CPED1: variants seen among roughly 807,000 people sequenced by gnomAD.
CPED1 encodes cadherin like and PC-esterase domain containing 1, also known as cadherin-like and PC-esterase domain-containing protein 1.
CPED1 carries 114 observed loss-of-function variants against 128.2 expected under a neutral mutation model. The observed-to-expected ratio is 0.89, with a 90% confidence interval of 0.76 to 1.04. The LOEUF (loss-of-function observed/expected upper bound fraction) is 1.04. Among genes scored for constraint, CPED1 ranks in the 50% least tolerant of loss-of-function variants. CPED1 has a pLI of 0.00. For missense variants in CPED1, 1,211 were observed against 1,207.1 expected (o/e 1.00, Z -0.05); for synonymous variants, 462 against 426.7 (o/e 1.08, Z -1.02).
intron 16 of CPED1, among the ~76,000 whole-genome samples, chr7:121,184,448 G>A (rs1283213583): frequency 6.6e-6 from 1 of 152,050 alleles, no homozygotes; most frequent in Non-Finnish European, 1.5e-5. Flanking sequence ...AATTATTTCT[G>A]AGTTTCACCA....
At chr7:121,210,733 T>A (rs1475288353) in intron 16 of CPED1, among the ~76,000 whole-genome samples, 1 of 151,948 alleles carries the variant, frequency 6.6e-6, no homozygotes, top group East Asian at 1.9e-4. Flanking sequence ...GAATAAGATC[T>A]AGTATTTGAT....
At chr7:121,198,338 G>A (rs1228831001) in intron 16 of CPED1, among the ~76,000 whole-genome samples, 4 of 152,040 alleles carry the variant, frequency 2.6e-5, no homozygotes, top group African/African-American at 9.7e-5. Context: ...TAGCTTCTTA[G>A]ATAAAAGCTC....
intron 4 of CPED1, among the ~76,000 whole-genome samples, chr7:121,052,380 C>T (rs1316960519): frequency 2.0e-5 from 3 of 152,192 alleles, no homozygotes; most frequent in Non-Finnish European, 2.9e-5. Context: ...AAACTCTTCC[C>T]GTGACTCTTT....
chr7:121,170,426 G>A lies in CPED1; in HGVS notation c.2055+28285G>A, dbSNP rs188046321. 4.7e-4 allele frequency among the ~76,000 whole-genome samples: 71 copies of A among 152,016 alleles called. 1 individual carries two copies. In the Middle Eastern group the frequency reaches 0.017, roughly 36 times the overall value. On this transcript the variant is annotated intron_variant, in intron 16 of 22. Transcript: ENST00000310396. ...TTTTGTGCTTCTCTGTATAAATTTA[G>A]GGTCTTTTGATTCACTACAAATTTT...
chr7:121,052,244 G>A (rs1259453742), intron 4 of CPED1, among the ~76,000 whole-genome samples: 1 of 152,120 alleles, frequency 6.6e-6, no homozygotes, highest in African/African-American at 2.4e-5. Flanking sequence ...AGTCCTATCT[G>A]AATTGAAACT....
intron 3 of CPED1, among the ~76,000 whole-genome samples, chr7:121,023,779 T>C (rs2116837694): frequency 6.6e-6 from 1 of 152,280 alleles, no homozygotes; most frequent in East Asian, 1.9e-4. Context: ...TTCTCATTTC[T>C]TTCCCCCCTC....
intron 17 of CPED1, among the ~76,000 whole-genome samples, chr7:121,241,168 C>T (rs1488108020): frequency 9.9e-6 from 1 of 101,388 alleles, no homozygotes; most frequent in Non-Finnish European, 2.1e-5. Flanking sequence ...ACGGTGAAAC[C>T]CCGTCTCTAC....
intron 1 of CPED1, 50 bp from the exon 2 acceptor site, chr7:120,989,341 C>T: frequency 2.5e-6 from 1 of 393,234 alleles, no homozygotes; most frequent in South Asian, 2.5e-5. Context: ...GGGGTACACT[C>T]AGGTTATTCG....
chr7:121,233,212 A>G lies in CPED1; in HGVS notation c.2056-3502A>G, dbSNP rs114784311. 5.8e-3 allele frequency among the ~76,000 whole-genome samples: 881 copies of G among 152,208 alleles called. 7 individuals are homozygous for G. The highest frequency in any genetic ancestry group is 0.02 in the African/African-American group (815 of 41,554). On this transcript the variant is annotated intron_variant, in intron 16 of 22. Transcript: ENST00000310396. ...CCTACTAAATATATTGTTGCACTCA[A>G]TTGAGAACTATGACAATCTACTCTG...
At chr7:121,195,346 A>AT (rs1283161075) in intron 16 of CPED1, among the ~76,000 whole-genome samples, 12 of 152,172 alleles carry the variant, frequency 7.9e-5, no homozygotes, top group Non-Finnish European at 1.6e-4. Context: ...AATTACTATC[A>AT]TTTTAAATCA....
chr7:121,064,428 G>A (rs1269454020), intron 5 of CPED1, 115 bp downstream of exon 5: 6 of 694,852 alleles, frequency 8.6e-6, no homozygotes, highest in Admixed American at 4.6e-5. Context: ...CTATCAATTC[G>A]GCAATCACAG....
intron 4 of CPED1, among the ~76,000 whole-genome samples, chr7:121,054,827 A>C (rs1793452540): frequency 6.6e-6 from 1 of 152,094 alleles, no homozygotes; most frequent in Non-Finnish European, 1.5e-5. Context: ...CTTTGAAGTC[A>C]TCCCCTCCTG....
intron 13 of CPED1, among the ~76,000 whole-genome samples, chr7:121,135,687 A>T (rs1207510756): frequency 6.6e-6 from 1 of 152,096 alleles, no homozygotes; most frequent in African/African-American, 2.4e-5. Flanking sequence ...TATAGAGTAA[A>T]TATTACTGGA....
intron 12 of CPED1, 30 bp from the exon 13 acceptor site, chr7:121,133,793 A>C (rs1795725819): frequency 6.7e-7 from 1 of 1,485,186 alleles, no homozygotes; most frequent in African/African-American, 1.4e-5. Context: ...CATTTCATTA[A>C]TCCAGAGTTG....
At chr7:121,218,866 A>C (rs1159460292) in intron 16 of CPED1, among the ~76,000 whole-genome samples, 1 of 152,080 alleles carries the variant, frequency 6.6e-6, no homozygotes, top group Non-Finnish European at 1.5e-5. Context: ...CTAAAAAATG[A>C]CAAAAAAAGT....
chr7:121,254,469 A>C lies in CPED1; in HGVS notation c.2310+10131A>C, dbSNP rs1208011310. ...TCCTCAAAAAGTAAGAGAGGTCTCA[A>C]ATCAACAATATAAGTTTCCACCAAA... On this transcript the variant is annotated intron_variant, in intron 18 of 22. Transcript: ENST00000310396. 2.6e-5 allele frequency among the ~76,000 whole-genome samples: 4 copies of C among 152,212 alleles called. No homozygotes were observed. In the East Asian group the frequency reaches 7.7e-4, roughly 29 times the overall value.
intron 5 of CPED1, among the ~76,000 whole-genome samples, chr7:121,087,773 C>T (rs1219529180): frequency 1.3e-5 from 2 of 150,962 alleles, no homozygotes; most frequent in East Asian, 3.9e-4. Context: ...CAATTCTCTG[C>T]CTCAGCCTCC....
intron 16 of CPED1, among the ~76,000 whole-genome samples, chr7:121,229,990 C>T (rs1223618125): frequency 6.6e-6 from 1 of 151,982 alleles, no homozygotes; most frequent in Non-Finnish European, 1.5e-5. Context: ...CACAGCCAAA[C>T]TTTACCCTGA....
intron 2 of CPED1, among the ~76,000 whole-genome samples, chr7:121,012,712 T>C (rs555091567): frequency 1.3e-5 from 2 of 152,358 alleles, no homozygotes; most frequent in African/African-American, 4.8e-5. Context: ...CAGCAGCAGT[T>C]TGTATTACAG....
Sources: allele counts gnomAD v4.1 joint callset (sites outside exome capture counted in the v4.1 genomes callset), GRCh38; gene constraint gnomAD v4.1.1; transcripts MANE v1.5; gene names NCBI Gene and HGNC (gene_info 2026-07-23, HGNC 2026-07-21).